The following PLD5 variants were observed in gnomAD, a reference collection of about 807,000 sequenced individuals.
PLD5 encodes the protein inactive phospholipase D5.
In PLD5, 36 loss-of-function variants were observed where a neutral mutation model predicts 61.1. That is an observed-to-expected ratio of 0.59 (90% CI 0.45 to 0.78). The LOEUF is 0.78. Among genes scored for constraint, PLD5 ranks in the 30% least tolerant of loss-of-function variants. The pLI, the probability that PLD5 is intolerant of heterozygous loss-of-function variation, is 0.00. For missense variants in PLD5, 515 were observed against 644.4 expected (o/e 0.80, Z 2.17); for synonymous variants, 243 against 242.8 (o/e 1.00, Z -0.01).
At chr1:242,186,500 A>T (rs316836) in intron 5 of PLD5, among the ~76,000 whole-genome samples, 73,792 of 151,582 alleles carry the variant, frequency 0.49, 18,191 homozygotes, top group East Asian at 0.68. Flanking sequence ...TAAGGAATAT[A>T]TTTTTTTTAA....
chr1:242,273,328 GA>G (rs1333606689), intron 3 of PLD5, among the ~76,000 whole-genome samples: 1 of 151,966 alleles, frequency 6.6e-6, no homozygotes, highest in Non-Finnish European at 1.5e-5. Context: ...GTCTATCATT[GA>G]TGGGCATTTG....
intron 5 of PLD5, among the ~76,000 whole-genome samples, chr1:242,207,790 TTA>T (rs1229599260): frequency 0.084 from 3,077 of 36,730 alleles, 438 homozygotes; most frequent in African/African-American, 0.12. Flanking sequence ...ATATTTATAT[TTA>T]TATATATTTA....
At chr1:242,253,605 G>A (rs571907689) in intron 4 of PLD5, among the ~76,000 whole-genome samples, 79 of 152,192 alleles carry the variant, frequency 5.2e-4, no homozygotes, top group African/African-American at 1.7e-3. Flanking sequence ...GAGCCACCGC[G>A]CCCGGCCGCT....
At chr1:242,176,675 A>G (rs1471349057) in intron 5 of PLD5, among the ~76,000 whole-genome samples, 1 of 152,220 alleles carries the variant, frequency 6.6e-6, no homozygotes, top group African/African-American at 2.4e-5. Context: ...AATTTTTGCA[A>G]TCTATCCATC....
chr1:242,433,265 G>A (rs1228998839), intron 1 of PLD5, among the ~76,000 whole-genome samples: 1 of 152,116 alleles, frequency 6.6e-6, no homozygotes, highest in Non-Finnish European at 1.5e-5. Flanking sequence ...GATGTTCCAT[G>A]CACATTGCAA....
chr1:242,280,257 T>C (rs1408624960), intron 3 of PLD5, among the ~76,000 whole-genome samples: 1 of 152,202 alleles, frequency 6.6e-6, no homozygotes, highest in Non-Finnish European at 1.5e-5. Flanking sequence ...CAATCAAATG[T>C]ATAAATGACA....
chr1:242,460,648 T>A (rs993224960), intron 1 of PLD5, among the ~76,000 whole-genome samples: 3 of 151,914 alleles, frequency 2.0e-5, no homozygotes, highest in African/African-American at 7.3e-5. Context: ...TACACACACA[T>A]ACACACACAT....
intron 1 of PLD5, among the ~76,000 whole-genome samples, chr1:242,512,074 T>C (rs1350133882): frequency 6.6e-6 from 1 of 151,812 alleles, no homozygotes; most frequent in East Asian, 1.9e-4. Context: ...AAAGTCAGAG[T>C]AGAAGATTCT....
At chr1:242,103,545 G>A (rs752975883) in intron 8 of PLD5, among the ~76,000 whole-genome samples, 17 of 152,198 alleles carry the variant, frequency 1.1e-4, no homozygotes, top group Middle Eastern at 3.4e-3. Context: ...ATGCTGTTTC[G>A]GAGCTGAATC....
intron 2 of PLD5, among the ~76,000 whole-genome samples, chr1:242,318,437 C>T (rs1658160153): frequency 6.6e-6 from 1 of 152,138 alleles, no homozygotes; most frequent in Admixed American, 6.5e-5. Flanking sequence ...GGGCCAGCTG[C>T]CAGACAAGTG....
intron 4 of PLD5, among the ~76,000 whole-genome samples, chr1:242,224,501 T>G (rs553179074): frequency 3.3e-5 from 5 of 152,162 alleles, no homozygotes; most frequent in Non-Finnish European, 7.3e-5. Context: ...TATGTTAAAA[T>G]GACAGCAAGA....
chr1:242,085,915 C>G lies in PLD5; in HGVS notation c.*3939G>C, dbSNP rs148502489. On this transcript the variant is annotated 3_prime_UTR_variant, in exon 10 of 10. Coordinates refer to ENST00000536534, the MANE Select transcript of PLD5 (RefSeq NM_001372062.1). ...TAATTGTAGGATAGAATTCCTGAGA[C>G]AGATAGACCCTGGATCTGATCTTAT... is the stretch of plus-strand genomic sequence containing the variant. 6.6e-6 allele frequency: 1 copy of G among 151,578 alleles called. No individual in the cohort carries two copies. Among genetic ancestry groups the G allele is most frequent in the African/African-American group, 2.4e-5 (1 of 41,306 alleles). 9.4% of individuals were successfully genotyped at this position (151,578 alleles called of 1,614,324 possible).
Position 242,436,642 on chromosome 1 carries a change from T to C in PLD5, c.189+87446A>G, listed in dbSNP as rs1002618865. Reference sequence around the variant, plus strand: ...ATAAGCTAATTATAAAGAGATTTGATGTTTATCGAGCTAAGTTTTTAGAAT... The same window carrying C: ...ATAAGCTAATTATAAAGAGATTTGACGTTTATCGAGCTAAGTTTTTAGAAT... On this transcript the variant is annotated intron_variant, in intron 1 of 9. Coordinates refer to ENST00000536534, the MANE Select transcript of PLD5 (RefSeq NM_001372062.1). Among the ~76,000 whole-genome samples, 3 of 152,346 alleles carry C rather than the reference T, an allele frequency of 2.0e-5. No homozygotes were observed. In the South Asian group the frequency reaches 6.2e-4, roughly 32 times the overall value.
chr1:242,298,970 G>A (rs1207529462), intron 2 of PLD5, among the ~76,000 whole-genome samples: 1 of 151,456 alleles, frequency 6.6e-6, no homozygotes, highest in Non-Finnish European at 1.5e-5. Flanking sequence ...CTCATTAATA[G>A]AAAGATCTTG....
intron 2 of PLD5, among the ~76,000 whole-genome samples, chr1:242,317,555 A>G (rs1217348090): frequency 1.3e-5 from 2 of 152,200 alleles, no homozygotes; most frequent in Non-Finnish European, 2.9e-5. Flanking sequence ...GAGGCAAGTT[A>G]TCTCATCTCA....
At chr1:242,107,112 C>T (rs544660674) in intron 8 of PLD5, among the ~76,000 whole-genome samples, 2 of 152,248 alleles carry the variant, frequency 1.3e-5, no homozygotes, top group African/African-American at 4.8e-5. Context: ...CTGTGTGCTG[C>T]TGCATGCTCC....
At chr1:242,378,734 A>G (rs1043183636) in intron 1 of PLD5, among the ~76,000 whole-genome samples, 1 of 152,024 alleles carries the variant, frequency 6.6e-6, no homozygotes, top group Admixed American at 6.6e-5. Context: ...CCAGCTACTC[A>G]GGAGACTGAG....
chr1:242,354,834 A>G (rs939943403), intron 1 of PLD5, among the ~76,000 whole-genome samples: 1 of 151,634 alleles, frequency 6.6e-6, no homozygotes, highest in Non-Finnish European at 1.5e-5. Flanking sequence ...TTTTACCATG[A>G]AAGGATGTTA....
chr1:242,343,601 T>C (rs1372153312), intron 2 of PLD5, among the ~76,000 whole-genome samples: 1 of 150,954 alleles, frequency 6.6e-6, no homozygotes, highest in African/African-American at 2.4e-5. Flanking sequence ...CCTCACCTCT[T>C]TTACCAGGGA....
Sources: allele counts gnomAD v4.1 joint callset (sites outside exome capture counted in the v4.1 genomes callset), GRCh38; gene constraint gnomAD v4.1.1; transcripts MANE v1.5; gene names NCBI Gene and HGNC (gene_info 2026-07-23, HGNC 2026-07-21).